FGGY: variants seen among roughly 807,000 people sequenced by gnomAD.
FGGY encodes FGGY carbohydrate kinase domain containing.
A neutral mutation model predicts 71.3 loss-of-function variants in FGGY; 72 were observed. The observed-to-expected ratio is 1.01, with a 90% CI of 0.84 to 1.23. FGGY has a LOEUF of 1.23. Ranked by LOEUF, FGGY falls within the 50% of genes most tolerant of loss-of-function variation. The pLI is 0.00. For synonymous variants in FGGY, 251 were observed against 250.3 expected, an observed-to-expected ratio of 1.00 and a Z score of -0.02; for missense variants, 668 against 682.3, an observed-to-expected ratio of 0.98 and a Z score of 0.23.
chr1:59,608,837 T>TA (rs913928068), intron 9 of FGGY, among the ~76,000 whole-genome samples: 7 of 151,288 alleles, frequency 4.6e-5, no homozygotes, highest in South Asian at 2.1e-4. Flanking sequence ...AACTCCGTCT[T>TA]AAAAAAAAAC....
chr1:59,394,075 A>G (rs1307775668), intron 5 of FGGY, among the ~76,000 whole-genome samples: 1 of 152,180 alleles, frequency 6.6e-6, no homozygotes, highest in Non-Finnish European at 1.5e-5. Context: ...GTTGGGGGAA[A>G]AGTCTGCCTT....
rs575844946 is a variant in FGGY, at chr1:59,615,994, A to G, written c.1011+8084A>G. Among the ~76,000 whole-genome samples, 659 of 152,204 alleles carry G rather than the reference A, an allele frequency of 4.3e-3. 1 individual carries two copies. Among genetic ancestry groups the G allele is most frequent in the Non-Finnish European group, 5.6e-3 (379 of 67,982 alleles). On this transcript the variant is annotated intron_variant, in intron 9 of 15. Coordinates refer to ENST00000303721, the MANE Select transcript of FGGY (RefSeq NM_018291.5). The stretch of plus-strand genomic sequence containing the variant: ...ATGGCAATCATTAAAAAGTCAGGAA[A>G]CAACAGGTGCTGGAGAAATAGGAAC...
intron 4 of FGGY, among the ~76,000 whole-genome samples, chr1:59,370,936 C>T (rs992486270): frequency 9.9e-5 from 15 of 152,002 alleles, no homozygotes; most frequent in African/African-American, 3.6e-4. Flanking sequence ...CAACTGGTAC[C>T]AGCCACTGCA....
chr1:59,744,290 G>A (rs111619365), intron 14 of FGGY, among the ~76,000 whole-genome samples: 10,960 of 152,212 alleles, frequency 0.072, 545 homozygotes, highest in Non-Finnish European at 0.099. Flanking sequence ...GCACGATCTC[G>A]GCTCACTGCA....
intron 15 of FGGY, among the ~76,000 whole-genome samples, chr1:59,761,698 A>G (rs564918133): frequency 6.6e-6 from 1 of 152,330 alleles, no homozygotes; most frequent in African/African-American, 2.4e-5. Flanking sequence ...TAGGACAGGG[A>G]GAGCAACGGC....
chr1:59,370,562 A>G (rs2057423061), intron 4 of FGGY, among the ~76,000 whole-genome samples: 1 of 151,954 alleles, frequency 6.6e-6, no homozygotes, highest in South Asian at 2.1e-4. Flanking sequence ...AGAACGCCAC[A>G]AAGATACTCC....
intron 4 of FGGY, among the ~76,000 whole-genome samples, chr1:59,377,891 A>G (rs2058864581): frequency 1.3e-5 from 2 of 152,162 alleles, no homozygotes; most frequent in African/African-American, 2.4e-5. Context: ...CAGAGAACCA[A>G]ATCTTTAAAA....
intron 1 of FGGY, among the ~76,000 whole-genome samples, chr1:59,305,115 G>A (rs2043260479): frequency 6.6e-6 from 1 of 152,160 alleles, no homozygotes; most frequent in South Asian, 2.1e-4. Context: ...AGTGGTAAGA[G>A]TGGGCATTCT....
At chr1:59,536,692 G>T (rs970000265) in intron 7 of FGGY, among the ~76,000 whole-genome samples, 1 of 152,146 alleles carries the variant, frequency 6.6e-6, no homozygotes, top group Non-Finnish European at 1.5e-5. Flanking sequence ...TGCAAGGCTG[G>T]TTCAATATAG....
chr1:59,329,312 T>TAA (rs34447154), intron 2 of FGGY, among the ~76,000 whole-genome samples: 13 of 151,940 alleles, frequency 8.6e-5, no homozygotes, highest in Middle Eastern at 6.8e-3. Flanking sequence ...GCACTGTATC[T>TAA]AAAAAAAAGG....
chr1:59,327,398 T>C (rs1030162999), intron 2 of FGGY, among the ~76,000 whole-genome samples: 16 of 152,322 alleles, frequency 1.1e-4, no homozygotes, highest in African/African-American at 3.6e-4. Context: ...AAGCAGCCCC[T>C]CATCGGTTCA....
chr1:59,445,396 T>C (rs1419691574), intron 5 of FGGY, among the ~76,000 whole-genome samples: 2 of 152,222 alleles, frequency 1.3e-5, no homozygotes, highest in Non-Finnish European at 2.9e-5. Flanking sequence ...CTAATCATCC[T>C]CTTGACACAT....
intron 3 of FGGY, among the ~76,000 whole-genome samples, chr1:59,342,447 A>G (rs1032069743): frequency 6.6e-6 from 1 of 152,166 alleles, no homozygotes; most frequent in African/African-American, 2.4e-5. Flanking sequence ...CTCTATTAAA[A>G]AGGTAACTAG....
intron 5 of FGGY, among the ~76,000 whole-genome samples, chr1:59,386,231 G>T (rs1004153778): frequency 6.6e-6 from 1 of 151,888 alleles, no homozygotes; most frequent in Non-Finnish European, 1.5e-5. Context: ...GTTACATTTA[G>T]TCACGCCTTC....
chr1:59,651,825 T>G (rs2153936031), intron 11 of FGGY, among the ~76,000 whole-genome samples: 1 of 151,928 alleles, frequency 6.6e-6, no homozygotes, highest in Non-Finnish European at 1.5e-5. Context: ...TGCTCGTTAG[T>G]TGATGCAGTT....
chr1:59,680,231 T>C lies in FGGY; in HGVS notation c.1512+6098T>C, dbSNP rs139149129. On this transcript the variant is annotated intron_variant, in intron 14 of 15. Coordinates refer to ENST00000303721, the MANE Select transcript of FGGY (RefSeq NM_018291.5). ...CCTTTTGCCCTTTGCTGCTTAAGCA[T>C]GTGTTTCTGGATGAGATTCTGATTC... Among the ~76,000 whole-genome samples the C allele has an allele frequency of 1.5e-4, 23 of 152,216 alleles. No homozygotes were observed. The East Asian group carries it at 4.2e-3, about 28-fold the overall frequency.
At chr1:59,578,587 G>A (rs2096127296) in intron 8 of FGGY, among the ~76,000 whole-genome samples, 1 of 152,090 alleles carries the variant, frequency 6.6e-6, no homozygotes, top group African/African-American at 2.4e-5. Context: ...TTATAATAGA[G>A]TGTACATATT....
intron 8 of FGGY, among the ~76,000 whole-genome samples, chr1:59,574,729 A>G (rs1290093223): frequency 6.6e-6 from 1 of 152,164 alleles, no homozygotes; most frequent in East Asian, 1.9e-4. Context: ...TGAATTTTCT[A>G]TTATATTTCC....
intron 5 of FGGY, among the ~76,000 whole-genome samples, chr1:59,404,711 G>C (rs555958737): frequency 1.3e-5 from 2 of 152,304 alleles, no homozygotes; most frequent in East Asian, 3.9e-4. Flanking sequence ...CTGAGCAGAA[G>C]AGACAGATCT....
Sources: gnomAD v4.1 joint callset for allele counts (sites outside exome capture counted in the v4.1 genomes callset) on GRCh38, gnomAD v4.1.1 for gene constraint, MANE v1.5 for transcripts, NCBI Gene and HGNC (gene_info 2026-07-23, HGNC 2026-07-21) for gene names.